COL4A4: variants seen among roughly 807,000 people sequenced by gnomAD.
The protein encoded by COL4A4 is collagen type IV alpha 4 chain.
COL4A4 carries 105 observed loss-of-function variants against 192.9 expected under a neutral mutation model. That is an observed-to-expected ratio of 0.54 (90% CI 0.46 to 0.64). The LOEUF (loss-of-function observed/expected upper bound fraction) is 0.64, where lower values mean the gene tolerates loss of function less well. Among genes scored for constraint, COL4A4 ranks in the 30% least tolerant of loss-of-function variants. The pLI is 0.00. For synonymous variants in COL4A4, 762 were observed against 769.9 expected (o/e 0.99, Z 0.17); for missense variants, 1,967 against 2,169.3 (o/e 0.91, Z 1.85).
At chr2:227,104,376 C>G (rs1335749401) in intron 12 of COL4A4, among the ~76,000 whole-genome samples, 3 of 144,392 alleles carry the variant, frequency 2.1e-5, no homozygotes, top group Non-Finnish European at 4.5e-5. Context: ...CGAGACCATC[C>G]TGGCTAACAC....
Position 227,124,059 on chromosome 2 carries a change from ATAT to A in COL4A4, c.193-2914_193-2912del, listed in dbSNP as rs892481887. Among the ~76,000 whole-genome samples, 9 of 152,296 alleles carry A rather than the reference ATAT, an allele frequency of 5.9e-5. No homozygotes were observed. The East Asian group carries it at 1.3e-3, about 23-fold the overall frequency. On this transcript the variant is annotated intron_variant, in intron 4 of 47. Coordinates refer to ENST00000396625, the MANE Select transcript of COL4A4 (RefSeq NM_000092.5). ...AACAAATGCTAACTATTGTTATTAT[ATAT>A]TATTATTATAAATGGATAATTGTTA...
chr2:227,032,356 C>T, intron 38 of COL4A4, 80 bp from the exon 39 acceptor site: 1 of 1,517,506 alleles, frequency 6.6e-7, no homozygotes, highest in Non-Finnish European at 8.9e-7. Context: ...AACCACTTCC[C>T]AATAGCGGCA....
At chr2:227,024,188 C>G (rs1966578969) in intron 43 of COL4A4, among the ~76,000 whole-genome samples, 1 of 152,142 alleles carries the variant, frequency 6.6e-6, no homozygotes, top group Non-Finnish European at 1.5e-5. Flanking sequence ...ATCTGGGTAA[C>G]AAATTCTAAG....
At chr2:227,060,070 T>TAAA in intron 27 of COL4A4, 66 bp downstream of exon 27, 1 of 975,544 alleles carries the variant, frequency 1.0e-6, no homozygotes, top group Non-Finnish European at 1.5e-6. Context: ...GTAGAAATGT[T>TAAA]AAAAAGTTCC....
chr2:227,050,382 T>C (rs561842085), intron 33 of COL4A4, among the ~76,000 whole-genome samples: 1 of 152,366 alleles, frequency 6.6e-6, no homozygotes, highest in Non-Finnish European at 1.5e-5. Context: ...TGTGAAACAG[T>C]AATTGTGTTA....
intron 16 of COL4A4, 26 bp from the exon 17 acceptor site, chr2:227,101,583 A>T (rs772357814): frequency 2.5e-6 from 3 of 1,219,018 alleles, no homozygotes; most frequent in South Asian, 1.5e-5. Context: ...AACATGCCTT[A>T]AAAAAAAAAA....
At chr2:226,992,659 C>T in the COL4A4 span, among the ~76,000 whole-genome samples, 1 of 152,174 alleles carries the variant, frequency 6.6e-6, no homozygotes, top group Non-Finnish European at 1.5e-5. Flanking sequence ...TAGACTGGAA[C>T]TTCTTATTTT....
chr2:227,127,011 T>TA (rs955079705), intron 4 of COL4A4, among the ~76,000 whole-genome samples: 2 of 152,140 alleles, frequency 1.3e-5, no homozygotes, highest in Admixed American at 6.5e-5. Context: ...TTTGCATCAC[T>TA]AAAAAAAGTC....
chr2:227,033,096 A>G (rs1302185809), intron 38 of COL4A4, among the ~76,000 whole-genome samples: 1 of 152,228 alleles, frequency 6.6e-6, no homozygotes, highest in Non-Finnish European at 1.5e-5. Flanking sequence ...CCAGCTATTT[A>G]CTTGTTAGGA....
At chr2:227,154,850 G>C (rs1420298465) in intron 1 of COL4A4, among the ~76,000 whole-genome samples, 1 of 152,148 alleles carries the variant, frequency 6.6e-6, no homozygotes, top group African/African-American at 2.4e-5. Flanking sequence ...TTTCTGTTCA[G>C]AGTCAACCTA....
At chr2:227,050,702 T>C (rs755304859) in intron 33 of COL4A4, among the ~76,000 whole-genome samples, 1 of 152,184 alleles carries the variant, frequency 6.6e-6, no homozygotes, top group Non-Finnish European at 1.5e-5. Flanking sequence ...AAACCAGTGG[T>C]CATGAGGCAA....
intron 4 of COL4A4, among the ~76,000 whole-genome samples, chr2:227,124,710 T>A (rs1186697818): frequency 6.6e-6 from 1 of 152,202 alleles, no homozygotes; most frequent in East Asian, 1.9e-4. Flanking sequence ...ACTGCACAAA[T>A]TCTAAACTAC....
intron 12 of COL4A4, among the ~76,000 whole-genome samples, chr2:227,104,943 T>C (rs897885040): frequency 1.3e-5 from 2 of 151,832 alleles, no homozygotes; most frequent in African/African-American, 4.8e-5. Context: ...ACCCGGCCTA[T>C]TAAAACTTTG....
chr2:227,087,986 C>T (rs138004753), intron 22 of COL4A4, among the ~76,000 whole-genome samples: 8 of 152,176 alleles, frequency 5.3e-5, no homozygotes, highest in African/African-American at 1.9e-4. Context: ...GTTAGATGGT[C>T]TGTGTCCTCT....
At chr2:227,124,547 G>A (rs886095799) in intron 4 of COL4A4, among the ~76,000 whole-genome samples, 1 of 152,018 alleles carries the variant, frequency 6.6e-6, no homozygotes, top group Non-Finnish European at 1.5e-5. Flanking sequence ...TATTTATTGA[G>A]TATCCATATA....
In COL4A4 at chr2:227,027,962, G is replaced by A; in HGVS notation, c.4021C>T (p.Pro1341Ser). ...CCAGGTAAACCCTTCTCTCCAGGTG[G>A]CCCAGGAAATCCATGTGGTCCCTGC... ...GPQGPHGFPG[P>S]PGEKGLPGPP... is the part of the protein sequence containing the mutation. Residue 1341 changes from proline to serine, a missense_variant, in exon 42 of 48, where the codon CCA becomes TCA. Pro to Ser is a moderately conservative substitution (Grantham distance 74, BLOSUM62 -1). Coordinates refer to ENST00000396625, the MANE Select transcript of COL4A4 (RefSeq NM_000092.5). 1 of 1,613,716 alleles carries A rather than the reference G, an allele frequency of 6.2e-7. No homozygotes were observed. The highest frequency in any genetic ancestry group is 1.3e-5 in the African/African-American group (1 of 74,966).
chr2:227,103,131 T>A lies in COL4A4; in HGVS notation c.870+13A>T, dbSNP rs756614022. The A allele has an allele frequency of 6.1e-5, 98 of 1,604,704 alleles. No individual in the cohort carries two copies. Among genetic ancestry groups the A allele is most frequent in the South Asian group, 4.9e-4 (43 of 87,756 alleles). On this transcript the variant is annotated intron_variant, in intron 14 of 47. Coordinates refer to ENST00000396625, the MANE Select transcript of COL4A4 (RefSeq NM_000092.5). The stretch of plus-strand genomic sequence containing the variant: ...ACACAAATGAAAAAAAAAAAGGTAC[T>A]TAAATAAACTACCTTGCGTCCTGGT...
At chr2:227,081,170 T>C (rs1239985236) in intron 23 of COL4A4, among the ~76,000 whole-genome samples, 1 of 151,772 alleles carries the variant, frequency 6.6e-6, no homozygotes, top group African/African-American at 2.4e-5. Context: ...TGGTAAAGGG[T>C]TGTTGTTGGG....
intron 43 of COL4A4, among the ~76,000 whole-genome samples, chr2:227,024,233 G>T (rs936842481): frequency 6.6e-6 from 1 of 152,040 alleles, no homozygotes; most frequent in Non-Finnish European, 1.5e-5. Flanking sequence ...TCATCTGGCC[G>T]GGCATGGTGT....
Sources: gnomAD v4.1 joint callset for allele counts (sites outside exome capture counted in the v4.1 genomes callset) on GRCh38, gnomAD v4.1.1 for gene constraint, MANE v1.5 for transcripts, NCBI Gene and HGNC (gene_info 2026-07-23, HGNC 2026-07-21) for gene names.